The following TECTA variants were observed in gnomAD, a reference collection of about 807,000 sequenced individuals.
TECTA encodes tectorin alpha.
TECTA carries 128 observed loss-of-function variants against 216.8 expected under a neutral mutation model. That is an observed-to-expected ratio of 0.59 (90% CI 0.51 to 0.68). The LOEUF is 0.68. TECTA is among the 30% of genes least tolerant of loss of function. The pLI is 0.00. For missense variants in TECTA, 2,551 were observed against 2,786.2 expected, an observed-to-expected ratio of 0.92 and a Z score of 1.90; for synonymous variants, 1,089 against 1,117.1, an observed-to-expected ratio of 0.97 and a Z score of 0.50.
At position 121,128,131 on chromosome 11, in the gene TECTA, C is replaced by A; in HGVS notation, c.2154C>A (p.Asn718Lys). The change falls in exon 9 of 24, where the codon AAC becomes AAA. Residue 718 changes from asparagine (N) to lysine (K), a missense_variant. Physicochemically the swap from Asn to Lys is moderately conservative, Grantham distance 94. This residue lies in a region of TECTA where 2,375 missense variants were observed against 2,563.9 expected (regional missense o/e 0.93). Coordinates refer to ENST00000392793, the MANE Select transcript of TECTA (RefSeq NM_005422.4). ...KRETVCLLSQ[N>K]QVLHTFDGAS... The stretch of plus-strand genomic sequence containing the variant: ...AGACCGTGTGCCTGCTCAGCCAGAA[C>A]CAGGTGCTGCACACCTTTGACGGCG... The A allele has an allele frequency of 6.2e-7, 1 of 1,612,968 alleles. No homozygotes were observed. Among genetic ancestry groups the A allele is most frequent in the Non-Finnish European group, 8.5e-7 (1 of 1,180,018 alleles).
In TECTA at chr11:121,130,010, A is replaced by G. The variant is rs1303790601; in HGVS notation, c.2740A>G (p.Ile914Val). 2 of 1,608,878 alleles carry G rather than the reference A, an allele frequency of 1.2e-6. No homozygotes were observed. Among genetic ancestry groups the G allele is most frequent in the Non-Finnish European group, 1.7e-6 (2 of 1,176,390 alleles). Residue 914 changes from isoleucine (I) to valine (V), a missense_variant, in exon 10 of 24, where the codon ATC (isoleucine) becomes GTC (valine). Coordinates refer to ENST00000392793, the MANE Select transcript of TECTA (RefSeq NM_005422.4). ...TTATCGAAGCCGCTCCAGGTGCGGC[A>G]TCATCAACGACCCCTCCAACAGCTC... ...KFYRSRSRCGIINDPSNSSFL... is the reference protein window; with the variant it reads ...KFYRSRSRCGVINDPSNSSFL...
Position 121,125,610 on chromosome 11 carries a change from C to T in TECTA, c.1512C>T (p.Val504=), listed in dbSNP as rs376261886. The T allele has an allele frequency of 6.3e-5, 101 of 1,613,672 alleles. No individual in the cohort carries two copies. Among genetic ancestry groups the T allele is most frequent in the Admixed American group, 1.3e-4 (8 of 59,988 alleles). Residue 504 remains valine, a synonymous_variant, in exon 8 of 24, where the codon GTC becomes GTT. Coordinates refer to ENST00000392793, the MANE Select transcript of TECTA (RefSeq NM_005422.4). The part of the protein sequence containing the change: ...HADWKCDSGC[V]DNCTQCDAAT... ...ACTGGAAGTGCGACTCCGGCTGCGT[C>T]GACAACTGCACCCAGTGCGACGCTG...
In TECTA at chr11:121,167,215, G is replaced by C. The variant is rs539020680; in HGVS notation, c.5586+435G>C. ...GGAGGCCAAGGCAGAAGGACTGCTA[G>C]AGGCCAGGAATTCAAGACCGGCCCA... is the stretch of plus-strand genomic sequence containing the variant. On this transcript the variant is annotated intron_variant, in intron 18 of 23. Transcript: ENST00000392793. 2.3e-3 allele frequency among the ~76,000 whole-genome samples: 350 copies of C among 152,348 alleles called. 1 individual carries two copies. Among genetic ancestry groups the C allele is most frequent in the African/African-American group, 8.1e-3 (338 of 41,580 alleles).
Position 121,152,915 on chromosome 11 carries a change from C to G in TECTA, c.4140C>G (p.Ser1380Arg), listed in dbSNP as rs964304691. ...GCCCTCCAAACAGCCATTACGAGAG[C>G]TGCGTGAGTGTCTGCCAGCCCCGCT... ...VTCPPNSHYE[S>R]CVSVCQPRCA... The change falls in exon 13 of 24, where the codon AGC (serine) becomes AGG (arginine). Residue 1380 changes from serine to arginine, a missense_variant. Physicochemically the swap from Ser to Arg is moderately radical, Grantham distance 110 (BLOSUM62 -1). This residue lies in a region of TECTA where 2,375 missense variants were observed against 2,563.9 expected (regional missense o/e 0.93). Transcript: ENST00000392793. The G allele has an allele frequency of 6.2e-7, 1 of 1,609,816 alleles. No individual in the cohort carries two copies. The highest frequency in any genetic ancestry group is 2.2e-5 in the East Asian group (1 of 44,734).
Position 121,137,696 on chromosome 11 carries a change from G to A in TECTA, c.3217G>A (p.Glu1073Lys), listed in dbSNP as rs139732688. 13 of 1,614,106 alleles carry A rather than the reference G, an allele frequency of 8.1e-6. No homozygotes were observed. Among genetic ancestry groups the A allele is most frequent in the African/African-American group, 1.3e-5 (1 of 75,024 alleles). Residue 1073 changes from glutamate to lysine, a missense_variant, in exon 11 of 24, where the codon GAG becomes AAG. Physicochemically the swap from Glu to Lys is moderately conservative, Grantham distance 56. This residue lies in a region of TECTA where 2,375 missense variants were observed against 2,563.9 expected (regional missense o/e 0.93). Transcript: ENST00000392793. ...CSGTDNRVHC[E>K]TIPCKDDEYC... The stretch of plus-strand genomic sequence containing the variant: ...TGGCACAGACAACAGGGTCCACTGC[G>A]AGACCATTCCCTGCAAGGATGATGA...
At chr11:121,176,210 G>A (rs1406345484) in intron 20 of TECTA, among the ~76,000 whole-genome samples, 1 of 151,420 alleles carries the variant, frequency 6.6e-6, no homozygotes, top group African/African-American at 2.4e-5. Flanking sequence ...ATTGTTATGT[G>A]TGAATTTGAT....
chr11:121,130,212 G>GT lies in TECTA; in HGVS notation c.2941+2dup. 6.3e-7 allele frequency: 1 copy of GT among 1,599,834 alleles called. No individual in the cohort carries two copies. The highest frequency in any genetic ancestry group is 2.2e-5 in the East Asian group (1 of 44,866). ...CCCTGGCGGACCTATGACTTCTGCCGTAAGTTGGGGTTGGATTCTGGGAGA... is the reference window on the plus strand; with the variant it reads ...CCCTGGCGGACCTATGACTTCTGCCGTTAAGTTGGGGTTGGATTCTGGGAGA... On this transcript the variant is annotated splice_donor_variant, in intron 10 of 23. Coordinates refer to ENST00000392793, the MANE Select transcript of TECTA (RefSeq NM_005422.4). LOFTEE classifies it high-confidence loss of function.
chr11:121,178,517 A>AGTGTGTGTGTGTGTGTGTGTGT (rs3222565), intron 20 of TECTA, among the ~76,000 whole-genome samples: 2 of 127,210 alleles, frequency 1.6e-5, no homozygotes, highest in African/African-American at 2.9e-5. Flanking sequence ...GCTTGTAGTT[A>AGTGTGTGTGTGTGTGTGTGTGT]GTGTGTGTGT....
chr11:121,120,160 A>T (rs1171929317), intron 7 of TECTA, among the ~76,000 whole-genome samples: 3 of 146,282 alleles, frequency 2.1e-5, no homozygotes, highest in African/African-American at 7.9e-5. Flanking sequence ...TCTCAGTCAG[A>T]TTTTTTTTTT....
intron 13 of TECTA, among the ~76,000 whole-genome samples, chr11:121,155,697 T>C (rs1195437571): frequency 6.6e-6 from 1 of 152,234 alleles, no homozygotes; most frequent in African/African-American, 2.4e-5. Flanking sequence ...AGATCTTTTC[T>C]GGATAACGCT....
chr11:121,155,742 A>C (rs1946934585), intron 13 of TECTA, among the ~76,000 whole-genome samples: 1 of 152,186 alleles, frequency 6.6e-6, no homozygotes, highest in African/African-American at 2.4e-5. Context: ...GAGTGCCCAC[A>C]TCTCTATGAC....
In TECTA at chr11:121,125,797, G is replaced by A. The variant is rs727503457; in HGVS notation, c.1699G>A (p.Ala567Thr). 1.5e-5 allele frequency: 25 copies of A among 1,613,924 alleles called. 1 individual carries two copies. In the Middle Eastern group the frequency reaches 2.3e-3, roughly 149 times the overall value. ...VRDNGTLLCQ[A>T]IQAYALVCQA... ...GGACAATGGCACGCTCCTCTGCCAA[G>A]CCATCCAGGCCTATGCTCTTGTGTG... The change falls in exon 8 of 24, where the codon GCC becomes ACC. Residue 567 changes from alanine (A) to threonine (T), a missense_variant. By Grantham distance (58) the Ala-to-Thr change is moderately conservative. This residue lies in a region of TECTA where 2,375 missense variants were observed against 2,563.9 expected (regional missense o/e 0.93). Coordinates refer to ENST00000392793, the MANE Select transcript of TECTA (RefSeq NM_005422.4).
Position 121,168,360 on chromosome 11 carries a change from A to G in TECTA, c.5750+143A>G, listed in dbSNP as rs543577. The G allele has an allele frequency of 0.63, 714,862 of 1,134,490 alleles. 229,705 individuals are homozygous for G. The highest frequency in any genetic ancestry group is 0.92 in the African/African-American group (59,999 of 65,490). The allele number at this position is 1,134,490 out of a possible 1,614,324, so 70.3% of individuals were successfully genotyped here. On this transcript the variant is annotated intron_variant, in intron 19 of 23. Coordinates refer to ENST00000392793, the MANE Select transcript of TECTA (RefSeq NM_005422.4). Reference sequence around the variant, plus strand: ...TCTTGAGCCTAAATGCTTTCAACCAACATTGTTCAATAGAACTCTCTGTGA... The same window carrying G: ...TCTTGAGCCTAAATGCTTTCAACCAGCATTGTTCAATAGAACTCTCTGTGA...
intron 6 of TECTA, among the ~76,000 whole-genome samples, 181 bp from the exon 7 acceptor site, chr11:121,118,125 T>A (rs896585732): frequency 2.0e-5 from 3 of 152,210 alleles, no homozygotes; most frequent in Admixed American, 2.0e-4. Context: ...TGATCCTGGA[T>A]GAATTACTTC....
chr11:121,186,278 C>T (rs1482547302), intron 20 of TECTA, among the ~76,000 whole-genome samples: 2 of 152,246 alleles, frequency 1.3e-5, no homozygotes, highest in African/African-American at 4.8e-5. Flanking sequence ...GAGACAGCAG[C>T]AACTTCTACA....
rs530601752 is a variant in TECTA, at chr11:121,162,310, G to A, written c.5212G>A (p.Gly1738Arg). 8 of 1,613,470 alleles carry A rather than the reference G, an allele frequency of 5.0e-6. No individual in the cohort carries two copies. The East Asian group carries it at 8.9e-5, about 18-fold the overall frequency. ...FQLCGSLAAY[G>R]EACRSFGILS... ...GCTGTGCGGCTCCCTGGCCGCCTAC[G>A]GGGAGGCCTGCCGCTCCTTCGGGAT... The change falls in exon 16 of 24, where the codon GGG (glycine) becomes AGG (arginine). Residue 1738 changes from glycine to arginine, a missense_variant. Transcript: ENST00000392793.
chr11:121,190,064 A>AC, intron 23 of TECTA, 184 bp downstream of exon 23: 1 of 603,582 alleles, frequency 1.7e-6, no homozygotes, highest in East Asian at 2.9e-5. Flanking sequence ...AAACAAACAA[A>AC]CAACAACAAC....
intron 10 of TECTA, 23 bp downstream of exon 10, chr11:121,130,234 G>C: frequency 6.3e-7 from 1 of 1,598,618 alleles, no homozygotes; most frequent in Non-Finnish European, 8.5e-7. Context: ...TGGATTCTGG[G>C]AGAGGCTTTC....
At chr11:121,161,564 T>TCCCTC (rs1565534123) in intron 15 of TECTA, among the ~76,000 whole-genome samples, 1 of 1,844 alleles carries the variant, frequency 5.4e-4, no homozygotes, top group Non-Finnish European at 9.7e-4. Context: ...TCCCTTCCCT[T>TCCCTC]CCCTCCCCTT....
Sources: gnomAD v4.1 joint callset for allele counts (sites outside exome capture counted in the v4.1 genomes callset) on GRCh38, gnomAD v4.1.1 for gene constraint, gnomAD v4.1.1 regional missense constraint, MANE v1.5 for transcripts, NCBI Gene and HGNC (gene_info 2026-07-23, HGNC 2026-07-21) for gene names.